Variants in MNAT1 observed in about 807,000 individuals in gnomAD.
The protein encoded by MNAT1 is MNAT1 component of CDK activating kinase.
A neutral mutation model predicts 42.0 loss-of-function variants in MNAT1; 43 were observed. The observed-to-expected ratio is 1.02, with a 90% confidence interval of 0.80 to 1.32. The LOEUF is 1.32. Ranked by LOEUF, MNAT1 falls within the 40% of genes most tolerant of loss-of-function variation. MNAT1 has a pLI of 0.00. For missense variants in MNAT1, 306 were observed against 350.4 expected (o/e 0.87, Z 1.01); for synonymous variants, 118 against 120.0 (o/e 0.98, Z 0.11).
intron 1 of MNAT1, among the ~76,000 whole-genome samples, chr14:60,744,421 C>T (rs1043031140): frequency 6.6e-6 from 1 of 151,458 alleles, no homozygotes; most frequent in African/African-American, 2.4e-5. Context: ...TGTGAGCCAT[C>T]ACGCCCAGCC....
chr14:60,856,661 A>T (rs996965232), intron 6 of MNAT1, among the ~76,000 whole-genome samples: 1 of 151,118 alleles, frequency 6.6e-6, no homozygotes, highest in African/African-American at 2.4e-5. Flanking sequence ...GGTGACTTTA[A>T]GTTGAAGCCA....
chr14:60,823,050 A>G (rs2032945356), intron 6 of MNAT1, among the ~76,000 whole-genome samples: 2 of 152,058 alleles, frequency 1.3e-5, no homozygotes, highest in Admixed American at 1.3e-4. Flanking sequence ...CCGGCTGAGG[A>G]GCACACTTTT....
Position 60,734,832 on chromosome 14 carries a change from G to A in MNAT1, c.-31G>A, listed in dbSNP as rs2140278341. 1 of 1,609,014 alleles carries A rather than the reference G, an allele frequency of 6.2e-7. No homozygotes were observed. The highest frequency in any genetic ancestry group is 8.5e-7 in the Non-Finnish European group (1 of 1,175,502). ...GTAGGTGGCTCTGGCTGAAACAGGC[G>A]CCTGCGAGAGTCTGTAGGAGGGAAA... On this transcript the variant is annotated 5_prime_UTR_variant, in exon 1 of 8. Coordinates refer to ENST00000261245, the MANE Select transcript of MNAT1 (RefSeq NM_002431.4). This position sits in a 1 kb window ranked among gnomAD's most constrained non-coding sequence, Gnocchi z 4.3.
chr14:60,795,411 GTTA>G (rs1476046896), intron 1 of MNAT1, among the ~76,000 whole-genome samples: 9 of 152,104 alleles, frequency 5.9e-5, no homozygotes, highest in Admixed American at 3.9e-4. Context: ...CAGGAATCTG[GTTA>G]TAGAGAGGTT....
chr14:60,874,909 A>G lies in MNAT1; in HGVS notation c.688-4805A>G, dbSNP rs146676682. 4.6e-3 allele frequency among the ~76,000 whole-genome samples: 695 copies of G among 152,260 alleles called. 10 individuals carry two copies. The highest frequency in any genetic ancestry group is 0.015 in the African/African-American group (622 of 41,572). ...TGTTGGTGATTTTAAAAATTTAAAA[A>G]ACATATCAATGAGTGTAAGTCATTG... On this transcript the variant is annotated intron_variant, in intron 6 of 7. Transcript: ENST00000261245.
chr14:60,904,991 TTTG>T (rs1009501043), intron 7 of MNAT1, among the ~76,000 whole-genome samples: 12 of 140,924 alleles, frequency 8.5e-5, no homozygotes, highest in African/African-American at 1.3e-4. Context: ...TTTTTTTTTT[TTTG>T]GACGGAGTCT....
chr14:60,965,883 T>C (rs977473750), intron 7 of MNAT1, among the ~76,000 whole-genome samples: 1 of 152,212 alleles, frequency 6.6e-6, no homozygotes, highest in African/African-American at 2.4e-5. Flanking sequence ...CCTATAAAAA[T>C]ATTACTCACT....
At chr14:60,938,627 G>A (rs1251880585) in intron 7 of MNAT1, among the ~76,000 whole-genome samples, 1 of 152,120 alleles carries the variant, frequency 6.6e-6, no homozygotes, top group African/African-American at 2.4e-5. Flanking sequence ...TGCTGGATTT[G>A]GTTTGCCAGT....
chr14:60,824,762 A>C (rs1321991929), intron 6 of MNAT1, among the ~76,000 whole-genome samples: 2 of 152,190 alleles, frequency 1.3e-5, no homozygotes, highest in Non-Finnish European at 2.9e-5. Context: ...TATGCTAGCC[A>C]TGTGGTAAAT....
chr14:60,923,221 A>C (rs2035697272), intron 7 of MNAT1, among the ~76,000 whole-genome samples: 1 of 152,188 alleles, frequency 6.6e-6, no homozygotes, highest in South Asian at 2.1e-4. Context: ...GGGTTTTCTA[A>C]AACAAAGATT....
rs1299142044 is a variant in MNAT1, at chr14:60,873,780, A to G, written c.688-5934A>G. On this transcript the variant is annotated intron_variant, in intron 6 of 7. Coordinates refer to ENST00000261245, the MANE Select transcript of MNAT1 (RefSeq NM_002431.4). ...GCCACTGTGCCTGGCTCTTAGGCAG[A>G]TTTTAAAAATAGTTTAGAGCATAAT... Among the ~76,000 whole-genome samples, 5 of 152,134 alleles carry G rather than the reference A, an allele frequency of 3.3e-5. No homozygotes were observed. The East Asian group carries it at 9.6e-4, about 29-fold the overall frequency.
intron 7 of MNAT1, among the ~76,000 whole-genome samples, chr14:60,920,847 G>A (rs572066187): frequency 2.8e-4 from 43 of 152,084 alleles, no homozygotes; most frequent in Non-Finnish European, 5.4e-4. Flanking sequence ...GTTTTTAAAA[G>A]GAAAAACAAT....
intron 1 of MNAT1, among the ~76,000 whole-genome samples, chr14:60,735,924 A>C (rs1896292526): frequency 6.6e-6 from 1 of 152,242 alleles, no homozygotes; most frequent in Non-Finnish European, 1.5e-5. Context: ...GATAATCTAC[A>C]GTGTGTAGAC....
intron 3 of MNAT1, among the ~76,000 whole-genome samples, chr14:60,802,990 T>C (rs2032255860): frequency 6.6e-6 from 1 of 150,960 alleles, no homozygotes; most frequent in Non-Finnish European, 1.5e-5. Context: ...TGGAGTGTAG[T>C]GGCACGATCT....
rs1450294957 is a variant in MNAT1 at position 60,879,782 on chromosome 14, G to A, written c.756G>A (p.Gln252=). Residue 252 remains glutamine, a synonymous_variant, in exon 7 of 8, where the codon CAG becomes CAA. Coordinates refer to ENST00000261245, the MANE Select transcript of MNAT1 (RefSeq NM_002431.4). ...CTCTGTATGAATACCAGCCACTGCA[G>A]ATAGAGACATATGGACCACATGTTC... ...EEALYEYQPL[Q]IETYGPHVPE... 1.2e-6 allele frequency: 2 copies of A among 1,613,232 alleles called. No individual in the cohort carries two copies. Among genetic ancestry groups the A allele is most frequent in the Middle Eastern group, 1.6e-4 (1 of 6,074 alleles).
intron 6 of MNAT1, among the ~76,000 whole-genome samples, chr14:60,877,445 T>C (rs1349443685): frequency 6.6e-6 from 1 of 152,104 alleles, no homozygotes; most frequent in Non-Finnish European, 1.5e-5. Context: ...TTGTATTTTA[T>C]GACTTTTAAG....
intron 6 of MNAT1, among the ~76,000 whole-genome samples, chr14:60,866,615 T>C (rs941732041): frequency 1.3e-5 from 2 of 152,108 alleles, no homozygotes; most frequent in African/African-American, 4.8e-5. Flanking sequence ...CCTGTAGTTT[T>C]GAGACTCATG....
At chr14:60,916,570 A>T (rs1199021726) in intron 7 of MNAT1, among the ~76,000 whole-genome samples, 1 of 152,130 alleles carries the variant, frequency 6.6e-6, no homozygotes, top group Non-Finnish European at 1.5e-5. Context: ...TGGGAGGATC[A>T]CTTGAGCCTA....
At chr14:60,938,307 T>A (rs1028255085) in intron 7 of MNAT1, among the ~76,000 whole-genome samples, 7 of 152,068 alleles carry the variant, frequency 4.6e-5, no homozygotes, top group Non-Finnish European at 1.5e-5. Flanking sequence ...CTTGTGCCAG[T>A]TTTCAAAGGG....
Sources: allele counts gnomAD v4.1 joint callset (sites outside exome capture counted in the v4.1 genomes callset), GRCh38; gene constraint gnomAD v4.1.1; non-coding constraint Gnocchi (gnomAD v3.1); transcripts MANE v1.5; gene names NCBI Gene and HGNC (gene_info 2026-07-23, HGNC 2026-07-21).